The following FYB1 variants were observed in gnomAD, a reference collection of about 807,000 sequenced individuals.
FYB1 encodes FYN-binding protein 1.
Under a neutral mutation model 94.1 loss-of-function variants are expected in FYB1, and 41 were observed. The ratio of observed to expected loss-of-function variants is 0.44; its 90% CI spans 0.34 to 0.57. The LOEUF is 0.57. FYB1 is among the 20% of genes least tolerant of loss of function. FYB1 has a pLI of 0.02. For missense variants in FYB1, 1,050 were observed against 976.8 expected, an observed-to-expected ratio of 1.07 and a Z score of -1.00; for synonymous variants, 367 against 353.2, an observed-to-expected ratio of 1.04 and a Z score of -0.44.
chr5:39,226,690 G>T (rs958454814), intron 1 of FYB1, among the ~76,000 whole-genome samples: 42 of 152,166 alleles, frequency 2.8e-4, no homozygotes, highest in African/African-American at 1.0e-3. Flanking sequence ...TTATTTTCAT[G>T]GGTGTGTTTA....
rs57277521 is a variant in FYB1, at chr5:39,261,337, GACACACACAC to G, written c.-28+13056_-28+13065del. On this transcript the variant is annotated intron_variant, in intron 1 of 1. Coordinates refer to the FYB1 transcript ENST00000510188. ...AAAAAAAAGAACGTGTGTAGATTAA[GACACACACAC>G]ACACACACACACACACACACACACA... Among the ~76,000 whole-genome samples the G allele has an allele frequency of 3.0e-3, 408 of 133,868 alleles. 1 individual carries two copies. The highest frequency in any genetic ancestry group is 0.011 in the African/African-American group (388 of 35,418). 87.8% of individuals were successfully genotyped at this position (133,868 alleles called of 152,430 possible).
intron 2 of FYB1, among the ~76,000 whole-genome samples, chr5:39,201,542 T>C (rs1051812864): frequency 6.6e-6 from 1 of 152,148 alleles, no homozygotes; most frequent in African/African-American, 2.4e-5. Flanking sequence ...GTAAATACAA[T>C]GGTTATCATT....
intron 2 of FYB1, among the ~76,000 whole-genome samples, chr5:39,159,685 G>A (rs190365007): frequency 8.5e-5 from 13 of 152,196 alleles, no homozygotes; most frequent in East Asian, 7.7e-4. Flanking sequence ...TTGCTCTCCC[G>A]TTTTTCTATT....
chr5:39,177,888 T>C (rs971497256), intron 2 of FYB1, among the ~76,000 whole-genome samples: 1 of 152,346 alleles, frequency 6.6e-6, no homozygotes. Flanking sequence ...GCAAAGCTGT[T>C]CTCACTCCGC....
intron 1 of FYB1, among the ~76,000 whole-genome samples, chr5:39,211,384 G>C (rs1183127943): frequency 6.7e-6 from 1 of 148,226 alleles, no homozygotes; most frequent in Admixed American, 6.8e-5. Flanking sequence ...GCAGTGGCGC[G>C]ATCTCGGCCC....
At chr5:39,232,817 G>A (rs897008824) in intron 1 of FYB1, among the ~76,000 whole-genome samples, 2 of 150,414 alleles carry the variant, frequency 1.3e-5, no homozygotes, top group African/African-American at 4.9e-5. Context: ...AATATGCAGT[G>A]TTTGGCTTTT....
In FYB1 at chr5:39,127,727, C is replaced by T; in HGVS notation, c.1907+14G>A. The T allele has an allele frequency of 6.3e-7, 1 of 1,586,768 alleles. No individual in the cohort carries two copies. The highest frequency in any genetic ancestry group is 8.6e-7 in the Non-Finnish European group (1 of 1,169,486). ...ATAATAATTTGCAAAAAGCAGTTCA[C>T]TGATTATTCTTACCCATCATCAGCA... is the stretch of plus-strand genomic sequence containing the variant. On this transcript the variant is annotated intron_variant, in intron 11 of 18. Coordinates refer to ENST00000512982, the MANE Select transcript of FYB1 (RefSeq NM_001465.6).
At chr5:39,142,576 C>G (rs1358159286) in intron 3 of FYB1, among the ~76,000 whole-genome samples, 1 of 152,136 alleles carries the variant, frequency 6.6e-6, no homozygotes, top group Non-Finnish European at 1.5e-5. Flanking sequence ...TCTTTGTTTT[C>G]TCCCTCAGCC....
chr5:39,181,684 G>C (rs1005784663), intron 2 of FYB1, among the ~76,000 whole-genome samples: 16 of 152,110 alleles, frequency 1.1e-4, no homozygotes, highest in African/African-American at 3.9e-4. Context: ...CAAAACCTGT[G>C]ACCCTGTAAT....
chr5:39,171,498 C>T (rs1232663339), intron 2 of FYB1, among the ~76,000 whole-genome samples: 3 of 152,094 alleles, frequency 2.0e-5, no homozygotes, highest in Non-Finnish European at 4.4e-5. Flanking sequence ...AATAAGCTCT[C>T]TAGGTGATTC....
rs1168740599 is a variant in FYB1 at position 39,210,982 on chromosome 5, C to T, written c.-27-7995G>A. The T allele has an allele frequency of 3.9e-5, 6 of 152,242 alleles. No homozygotes were observed. In the East Asian group the frequency reaches 9.6e-4, roughly 24 times the overall value. The allele number at this position is 152,242 out of a possible 1,614,324, so 9.4% of individuals were successfully genotyped here. A position where few individuals can be genotyped will look rare whatever the true frequency, so the allele number is the denominator to read the frequency against. ...AATATAGAGTGAGATGTAGATAGTA[C>T]AGAACAACAAATGGTCCTAAAACCA... On this transcript the variant is annotated intron_variant, in intron 1 of 18. Transcript: ENST00000512982.
intron 2 of FYB1, among the ~76,000 whole-genome samples, chr5:39,159,112 T>C (rs1050400583): frequency 6.6e-6 from 1 of 152,170 alleles, no homozygotes; most frequent in African/African-American, 2.4e-5. Flanking sequence ...ACATAAAAGA[T>C]GGTCACACAA....
intron 2 of FYB1, chr5:39,169,778 A>G (rs1049380453): frequency 4.0e-6 from 2 of 494,094 alleles, no homozygotes; most frequent in African/African-American, 4.0e-5. Context: ...TGCAGGCAGC[A>G]TTTGATGATG....
chr5:39,201,564 C>T lies in FYB1; in HGVS notation c.1135+262G>A, dbSNP rs187424877. Among the ~76,000 whole-genome samples the T allele has an allele frequency of 1.2e-4, 19 of 152,244 alleles. 1 individual carries two copies. The South Asian group carries it at 3.3e-3, about 27-fold the overall frequency. On this transcript the variant is annotated intron_variant, in intron 2 of 18. Coordinates refer to ENST00000512982, the MANE Select transcript of FYB1 (RefSeq NM_001465.6). ...CAATGGTTATCATTAAGCAAAACCA[C>T]GTATCAATGAAGTGGATGCATTCCC...
intron 1 of FYB1, among the ~76,000 whole-genome samples, chr5:39,261,544 C>A (rs1051565622): frequency 1.3e-5 from 2 of 152,050 alleles, no homozygotes; most frequent in African/African-American, 4.8e-5. Context: ...GTCAGGAGTT[C>A]AAGACCAACC....
chr5:39,225,870 G>A (rs1490160504), intron 1 of FYB1, among the ~76,000 whole-genome samples: 1 of 152,152 alleles, frequency 6.6e-6, no homozygotes, highest in Non-Finnish European at 1.5e-5. Flanking sequence ...AAACCATAAT[G>A]TTCACCAGTG....
intron 2 of FYB1, among the ~76,000 whole-genome samples, chr5:39,159,195 T>G (rs892545102): frequency 1.3e-5 from 2 of 152,228 alleles, no homozygotes; most frequent in East Asian, 1.9e-4. Flanking sequence ...TTTAATTTCA[T>G]CATCTATTTG....
Position 39,122,395 on chromosome 5 carries a change from TC to T in FYB1, c.2078del (p.Gly693GlufsTer20). 1 of 1,570,632 alleles carries T rather than the reference TC, an allele frequency of 6.4e-7. No individual in the cohort carries two copies. The highest frequency in any genetic ancestry group is 1.2e-5 in the South Asian group (1 of 86,078). ...FPAPPKQLDM[G>X]DEVYDDVDTS... ...TATCCACATCATCGTAAACTTCATC[TC>T]CCATGTCTAACAAAAGACAGAATAT... On this transcript the variant is annotated frameshift_variant, in exon 14 of 19. Transcript: ENST00000512982. LOFTEE classifies it high-confidence loss of function.
chr5:39,162,260 A>G (rs994062977), intron 2 of FYB1, among the ~76,000 whole-genome samples: 1 of 152,170 alleles, frequency 6.6e-6, no homozygotes, highest in Non-Finnish European at 1.5e-5. Flanking sequence ...ATTGTTGCTT[A>G]TTTTATGCTA....
Sources: allele counts gnomAD v4.1 joint callset (sites outside exome capture counted in the v4.1 genomes callset), GRCh38; gene constraint gnomAD v4.1.1; transcripts MANE v1.5; gene names NCBI Gene and HGNC (gene_info 2026-07-23, HGNC 2026-07-21).